Variants in SLC11A2 observed in about 807,000 individuals in gnomAD.
SLC11A2 encodes natural resistance-associated macrophage protein 2.
Under a neutral mutation model 68.0 loss-of-function variants are expected in SLC11A2, and 38 were observed. The ratio of observed to expected loss-of-function variants is 0.56; its 90% CI spans 0.43 to 0.73. The LOEUF is 0.73. SLC11A2 is among the 30% of genes least tolerant of loss of function. The pLI is 0.00. For synonymous variants in SLC11A2, 242 were observed against 250.6 expected, an observed-to-expected ratio of 0.97 and a Z score of 0.32; for missense variants, 517 against 690.5, an observed-to-expected ratio of 0.75 and a Z score of 2.82.
Position 50,992,235 on chromosome 12 carries a change from A to G in SLC11A2, c.1302T>C (p.His434=), listed in dbSNP as rs1354345757. Residue 434 remains histidine (H), a synonymous_variant, in exon 13 of 16, where the codon CAT becomes CAC. Coordinates refer to ENST00000262052, the MANE Select transcript of SLC11A2 (RefSeq NM_000617.3). ...TCAGAAAGTCATTCATCCCTGTTAG[A>G]TGCTCTACATCTTGGAAGACAGCAA... ...LLVAVFQDVE[H]LTGMNDFLNV... is the part of the protein sequence containing the mutation. The G allele has an allele frequency of 1.9e-6, 3 of 1,614,070 alleles. No individual in the cohort carries two copies. The highest frequency in any genetic ancestry group is 2.5e-6 in the Non-Finnish European group (3 of 1,179,944).
At chr12:50,970,427 T>A in the SLC11A2 span, 1 of 1,324,538 alleles carries the variant, frequency 7.5e-7, no homozygotes, top group South Asian at 1.3e-5. Flanking sequence ...TTGATATACA[T>A]CCTTCTTTTT....
At position 51,009,300 on chromosome 12, in the gene SLC11A2, G is replaced by A. The variant is rs978306826; in HGVS notation, c.35-676C>T. The A allele has an allele frequency of 4.3e-5, 55 of 1,286,762 alleles. No individual in the cohort carries two copies. The African/African-American group carries it at 5.7e-4, about 13-fold the overall frequency. 79.7% of individuals were successfully genotyped at this position (1,286,762 alleles called of 1,614,324 possible). On this transcript the variant is annotated intron_variant, in intron 2 of 15. Transcript: ENST00000262052. ...CCGGTCACGGGGTACTGGCACCCTC[G>A]TGATGGCAGGGCTCATCTCAGACTG...
intron 3 of SLC11A2, chr12:51,006,397 C>G (rs1592385222): frequency 6.5e-6 from 1 of 153,394 alleles, no homozygotes; most frequent in East Asian, 1.9e-4. Context: ...CAACCTGACT[C>G]TAGCATAGCA....
chr12:51,008,886 A>G (rs1430683013), intron 2 of SLC11A2, among the ~76,000 whole-genome samples: 1 of 151,946 alleles, frequency 6.6e-6, no homozygotes, highest in Non-Finnish European at 1.5e-5. Context: ...CAGTCACTCA[A>G]TTCTCTAGAT....
upstream of SLC11A2, among the ~76,000 whole-genome samples, chr12:51,026,898 C>T (rs1944417472): frequency 6.6e-6 from 1 of 152,052 alleles, no homozygotes; most frequent in African/African-American, 2.4e-5. Context: ...AAGCAAAGGC[C>T]GGGCGCGGTG....
the SLC11A2 span, among the ~76,000 whole-genome samples, chr12:50,952,609 C>T: frequency 1.3e-5 from 2 of 152,216 alleles, no homozygotes; most frequent in Non-Finnish European, 2.9e-5. Context: ...GTCTCACACA[C>T]AGGCGCAGGG....
intron 1 of SLC11A2, among the ~76,000 whole-genome samples, chr12:51,020,533 A>G (rs1484940413): frequency 6.6e-6 from 1 of 152,152 alleles, no homozygotes; most frequent in Non-Finnish European, 1.5e-5. Context: ...AGCCACACAA[A>G]CACACTCAGT....
At chr12:50,991,356 G>T in intron 14 of SLC11A2, 1 of 570,394 alleles carries the variant, frequency 1.8e-6, no homozygotes, top group South Asian at 2.0e-5. Context: ...AACTTCAGTG[G>T]CTGAAGCTGA....
intron 1 of SLC11A2, among the ~76,000 whole-genome samples, chr12:51,017,504 T>G (rs1426371345): frequency 2.0e-5 from 3 of 151,644 alleles, no homozygotes; most frequent in Non-Finnish European, 4.4e-5. Context: ...AAGGAAGGAG[T>G]AGGAGAGCCC....
chr12:50,981,541 G>A (rs995630524), downstream of SLC11A2: 6 of 555,432 alleles, frequency 1.1e-5, no homozygotes, highest in African/African-American at 1.1e-4. Flanking sequence ...GTTATGAGGT[G>A]GGTGGGTCTC....
rs2136194926 is a variant in SLC11A2 at position 50,992,802 on chromosome 12, G to A, written c.1197+8C>T. On this transcript the variant is annotated splice_region_variant and intron_variant, in intron 12 of 15. Transcript: ENST00000262052. ...TGTTATCTCCCTCTATCCTATACCAGCACGTACCTCCATGACAAACTGGCC... is the reference window on the plus strand; with the variant it reads ...TGTTATCTCCCTCTATCCTATACCAACACGTACCTCCATGACAAACTGGCC... The A allele has an allele frequency of 1.1e-5, 18 of 1,612,158 alleles. No individual in the cohort carries two copies. In the African/African-American group the frequency reaches 2.0e-4, roughly 18 times the overall value.
At chr12:50,959,286 A>C in the SLC11A2 span, among the ~76,000 whole-genome samples, 1 of 151,178 alleles carries the variant, frequency 6.6e-6, no homozygotes, top group South Asian at 2.1e-4. Context: ...CGCCTGGCTA[A>C]TTTTGTATTT....
In SLC11A2 at chr12:50,994,151, G is replaced by A. The variant is rs756580082; in HGVS notation, c.1077+393C>T. 9.9e-5 allele frequency among the ~76,000 whole-genome samples: 15 copies of A among 151,432 alleles called. No individual in the cohort carries two copies. In the East Asian group the frequency reaches 2.0e-3, roughly 20 times the overall value. On this transcript the variant is annotated intron_variant, in intron 11 of 15. Transcript: ENST00000262052. The stretch of plus-strand genomic sequence containing the variant: ...TGCCTTCCAGGTTCAAGCGATTCTC[G>A]TGTCTCAGCCTCCTGAGTAGCTGAG...
chr12:51,005,518 A>C, intron 3 of SLC11A2, 82 bp from the exon 4 acceptor site: 1 of 1,594,888 alleles, frequency 6.3e-7, no homozygotes, highest in Non-Finnish European at 8.6e-7. Flanking sequence ...CATATGAAGC[A>C]ACAAAATCCA....
intron 1 of SLC11A2, among the ~76,000 whole-genome samples, chr12:51,019,041 T>C (rs1943863958): frequency 6.6e-6 from 1 of 152,178 alleles, no homozygotes; most frequent in Non-Finnish European, 1.5e-5. Flanking sequence ...GAAAGGTGTC[T>C]TCATGGAAGT....
intron 15 of SLC11A2, among the ~76,000 whole-genome samples, chr12:50,988,792 A>G (rs1372826910): frequency 2.0e-5 from 3 of 152,066 alleles, no homozygotes; most frequent in African/African-American, 7.2e-5. Context: ...AGCTCACTGA[A>G]GCCTCGAATT....
At chr12:51,009,022 G>T in intron 2 of SLC11A2, 2 of 770,246 alleles carry the variant, frequency 2.6e-6, no homozygotes, top group Non-Finnish European at 4.4e-6. Context: ...TCCCAGACCA[G>T]CTCCTGGTAA....
intron 15 of SLC11A2, among the ~76,000 whole-genome samples, chr12:50,989,417 G>A (rs1405737159): frequency 6.6e-6 from 1 of 152,164 alleles, no homozygotes; most frequent in Non-Finnish European, 1.5e-5. Flanking sequence ...CTTGAACCCA[G>A]GAGGCAGAGG....
intron 4 of SLC11A2, 105 bp from the exon 5 acceptor site, chr12:51,005,012 A>G (rs866677193): frequency 1.5e-6 from 2 of 1,333,440 alleles, no homozygotes; most frequent in Non-Finnish European, 1.1e-6. Context: ...TGCATTCAGA[A>G]AAGAGCCCAG....
Sources: gnomAD v4.1 joint callset for allele counts (sites outside exome capture counted in the v4.1 genomes callset) on GRCh38, gnomAD v4.1.1 for gene constraint, MANE v1.5 for transcripts, NCBI Gene and HGNC (gene_info 2026-07-23, HGNC 2026-07-21) for gene names.